Variants in MPDZ observed in about 807,000 individuals in gnomAD.
The protein encoded by MPDZ is multiple PDZ domain protein.
MPDZ carries 234 observed loss-of-function variants against 239.1 expected under a neutral mutation model. The observed-to-expected ratio is 0.98, with a 90% CI of 0.88 to 1.09. The LOEUF (loss-of-function observed/expected upper bound fraction) is 1.09. MPDZ is among the 50% of genes least tolerant of loss of function. The probability of loss-of-function intolerance (pLI) is 0.00; values close to 1 mark genes in which losing one functional copy is unlikely to be tolerated. For synonymous variants in MPDZ, 1,048 were observed against 881.3 expected (o/e 1.19, Z -3.35); for missense variants, 3,175 against 2,510.0 (o/e 1.26, Z -5.66).
At position 13,247,774 on chromosome 9, in the gene MPDZ, T is replaced by G. The variant is rs1966847316; in HGVS notation, c.44A>C (p.Glu15Ala). The G allele has an allele frequency of 6.2e-7, 1 of 1,611,148 alleles. No homozygotes were observed. Among genetic ancestry groups the G allele is most frequent in the Non-Finnish European group, 8.5e-7 (1 of 1,177,648 alleles). ...TTCTCGCAGCTTGGTTTGCAAGCGC[T>G]CTGCTGCATGCAGGGCCCGATTTTT... ...IDKNRALHAA[E>A]RLQTKLRERG... Residue 15 changes from glutamate to alanine, a missense_variant, in exon 3 of 47, where the codon GAG becomes GCG. Transcript: ENST00000319217.
chr9:13,133,345 A>C (rs774558182), intron 32 of MPDZ, among the ~76,000 whole-genome samples: 24 of 152,268 alleles, frequency 1.6e-4, no homozygotes, highest in Non-Finnish European at 2.9e-4. Context: ...CATGATAAAG[A>C]CTTCTCTTAT....
At chr9:13,163,839 T>C (rs1317212832) in intron 22 of MPDZ, among the ~76,000 whole-genome samples, 3 of 152,174 alleles carry the variant, frequency 2.0e-5, no homozygotes, top group Non-Finnish European at 2.9e-5. Flanking sequence ...ACCAATGTCA[T>C]AATTTACTGA....
chr9:13,168,189 A>C (rs967482236), intron 22 of MPDZ, among the ~76,000 whole-genome samples, 177 bp downstream of exon 22: 1 of 152,174 alleles, frequency 6.6e-6, no homozygotes, highest in African/African-American at 2.4e-5. Flanking sequence ...TATAGTCTCA[A>C]AGAAACTAAA....
intron 12 of MPDZ, among the ~76,000 whole-genome samples, chr9:13,199,158 C>G (rs1054006404): frequency 5.3e-5 from 8 of 151,986 alleles, no homozygotes; most frequent in Admixed American, 3.9e-4. Flanking sequence ...AATATCTCTC[C>G]ATATTTTTGT....
At chr9:13,153,821 T>G (rs1166240359) in intron 24 of MPDZ, among the ~76,000 whole-genome samples, 2 of 151,852 alleles carry the variant, frequency 1.3e-5, no homozygotes, top group Non-Finnish European at 2.9e-5. Flanking sequence ...TAAAATAAAA[T>G]AAAAAAGAAA....
intron 1 of MPDZ, 158 bp downstream of exon 1, chr9:13,279,242 G>GCCACCCCCCCCC (rs1564192036): frequency 1.2e-5 from 1 of 86,024 alleles, no homozygotes; most frequent in Non-Finnish European, 2.4e-5. Context: ...ACGGCCCGCC[G>GCCACCCCCCCCC]CCACCCCTAC....
chr9:13,126,815 A>G, intron 32 of MPDZ, 43 bp from the exon 33 acceptor site: 1 of 1,522,850 alleles, frequency 6.6e-7, no homozygotes, highest in Middle Eastern at 1.7e-4. Flanking sequence ...CTTGAAACAG[A>G]TTAATTTTAT....
chr9:13,219,174 T>C (rs1012936576), intron 8 of MPDZ, among the ~76,000 whole-genome samples: 9 of 151,816 alleles, frequency 5.9e-5, no homozygotes, highest in African/African-American at 1.4e-4. Flanking sequence ...GGAAAGTTGA[T>C]GAAAGAGAAT....
In MPDZ at chr9:13,113,190, T is replaced by C. The variant is rs1942791156; in HGVS notation, c.5558-136A>G. ...TTAAGGGGGTGCTCAAAGCTGCTAG[T>C]ACACATGATTAGATCTGTCTTACAC... On this transcript the variant is annotated intron_variant, in intron 41 of 46. Coordinates refer to ENST00000319217, the MANE Select transcript of MPDZ (RefSeq NM_001378778.1). The C allele has an allele frequency of 5.9e-6, 4 of 674,800 alleles. No homozygotes were observed. The Admixed American group carries it at 1.2e-4, about 20-fold the overall frequency. The allele number at this position is 674,800 out of a possible 1,614,324, so 41.8% of individuals were successfully genotyped here. A position where few individuals can be genotyped will look rare whatever the true frequency, so the allele number is the denominator to read the frequency against.
Position 13,186,321 on chromosome 9 carries a change from A to C in MPDZ, c.2430T>G (p.Cys810Trp). 1 of 1,597,194 alleles carries C rather than the reference A, an allele frequency of 6.3e-7. No individual in the cohort carries two copies. The highest frequency in any genetic ancestry group is 8.5e-7 in the Non-Finnish European group (1 of 1,171,430). ...GTTTGTCAGCCAGCCCTGCTTCCTC[A>C]CAGGAGTGTGGTGGGTAGAGAAAGG... Reference protein sequence around the residue: ...EDSFLYPPHSCEEAGLADKPL... With the variant: ...EDSFLYPPHSWEEAGLADKPL... Residue 810 changes from cysteine (C) to tryptophan (W), a missense_variant, in exon 18 of 47, where the codon TGT (cysteine) becomes TGG (tryptophan). Coordinates refer to ENST00000319217, the MANE Select transcript of MPDZ (RefSeq NM_001378778.1).
Position 13,113,159 on chromosome 9 carries a change from CTTTT to C in MPDZ, c.5558-109_5558-106del, listed in dbSNP as rs199904060. 3.8e-6 allele frequency: 4 copies of C among 1,056,126 alleles called. No individual in the cohort carries two copies. In the African/African-American group the frequency reaches 6.5e-5, roughly 17 times the overall value. 65.4% of individuals were successfully genotyped at this position (1,056,126 alleles called of 1,614,324 possible). On this transcript the variant is annotated intron_variant, in intron 41 of 46. Transcript: ENST00000319217. ...TGGGACTAAATGATAACCTAGGTTT[CTTTT>C]TTTAAGGGGGTGCTCAAAGCTGCTA...
intron 8 of MPDZ, among the ~76,000 whole-genome samples, chr9:13,218,019 C>T (rs574378188): frequency 6.6e-6 from 1 of 151,892 alleles, no homozygotes; most frequent in South Asian, 2.1e-4. Flanking sequence ...TATGTATTAG[C>T]ATGGTGTCAG....
intron 1 of MPDZ, among the ~76,000 whole-genome samples, chr9:13,265,881 G>C: frequency 6.6e-6 from 1 of 152,236 alleles, no homozygotes; most frequent in East Asian, 1.9e-4. Flanking sequence ...GGAGGTAGGA[G>C]AGAAGACCAT....
intron 39 of MPDZ, among the ~76,000 whole-genome samples, chr9:13,119,238 C>G (rs1485832497): frequency 6.6e-6 from 1 of 152,112 alleles, no homozygotes; most frequent in Non-Finnish European, 1.5e-5. Context: ...CACGCACAAC[C>G]ATGCCCAACT....
intron 10 of MPDZ, among the ~76,000 whole-genome samples, chr9:13,212,710 T>A (rs755775521): frequency 6.8e-6 from 1 of 146,388 alleles, no homozygotes; most frequent in South Asian, 2.1e-4. Context: ...CGGTGGCTAA[T>A]ACCTGTAATC....
At chr9:13,141,621 C>T (rs1432716143) in intron 27 of MPDZ, among the ~76,000 whole-genome samples, 1 of 152,034 alleles carries the variant, frequency 6.6e-6, no homozygotes, top group Non-Finnish European at 1.5e-5. Context: ...AAACTGACTT[C>T]TTGTAAGGAT....
rs1339037948 is a variant in MPDZ at position 13,143,353 on chromosome 9, T to G, written c.3840+113A>C. On this transcript the variant is annotated intron_variant, in intron 27 of 46. Coordinates refer to ENST00000319217, the MANE Select transcript of MPDZ (RefSeq NM_001378778.1). ...CCAAACAGCTTTGTTTTTTTGTTTT[T>G]TTTTCCCTGCCCAAATGTAGCAAAT... 1.2e-5 allele frequency: 10 copies of G among 815,114 alleles called. No homozygotes were observed. In the African/African-American group the frequency reaches 1.7e-4, roughly 14 times the overall value. 50.5% of individuals were successfully genotyped at this position (815,114 alleles called of 1,614,324 possible).
chr9:13,132,636 A>G (rs1946171005), intron 32 of MPDZ, among the ~76,000 whole-genome samples: 1 of 152,188 alleles, frequency 6.6e-6, no homozygotes, highest in Non-Finnish European at 1.5e-5. Context: ...AGCAAGCACT[A>G]TTTGTATATG....
chr9:13,168,558 G>A lies in MPDZ; in HGVS notation c.3062C>T (p.Thr1021Ile), dbSNP rs761873594. The change falls in exon 22 of 47, where the codon ACA becomes ATA. Residue 1021 changes from threonine to isoleucine, a missense_variant. By Grantham distance (89) the Thr-to-Ile change is moderately conservative. Coordinates refer to ENST00000319217, the MANE Select transcript of MPDZ (RefSeq NM_001378778.1). Reference protein sequence around the residue: ...IAKGNSSLGMTVSANKDGLGM... With the variant: ...IAKGNSSLGMIVSANKDGLGM... ...CAAGCCATCTTTATTAGCACTAACT[G>A]TCATTCCTACAGGAAAAGAGAAATG... 1 of 1,574,512 alleles carries A rather than the reference G, an allele frequency of 6.4e-7. No homozygotes were observed. The highest frequency in any genetic ancestry group is 1.9e-5 in the Admixed American group (1 of 52,010).
Sources: gnomAD v4.1 joint callset for allele counts (sites outside exome capture counted in the v4.1 genomes callset) on GRCh38, gnomAD v4.1.1 for gene constraint, MANE v1.5 for transcripts, NCBI Gene and HGNC (gene_info 2026-07-23, HGNC 2026-07-21) for gene names.